PUM2: variants seen among roughly 807,000 people sequenced by gnomAD.
PUM2 encodes pumilio homolog 2.
In PUM2, 57 loss-of-function variants were observed where a neutral mutation model predicts 124.5. The observed-to-expected ratio is 0.46, with a 90% CI of 0.37 to 0.57. The LOEUF (loss-of-function observed/expected upper bound fraction) is 0.57, where lower values mean the gene tolerates loss of function less well. Among genes scored for constraint, PUM2 ranks in the 20% least tolerant of loss-of-function variants. The pLI is 0.00. For synonymous variants in PUM2, 460 were observed against 446.1 expected (o/e 1.03, Z -0.39); for missense variants, 1,065 against 1,290.6 (o/e 0.83, Z 2.68).
Position 20,318,519 on chromosome 2 carries a change from C to A in PUM2, c.160+18G>T. On this transcript the variant is annotated intron_variant, in intron 3 of 20. Transcript: ENST00000361078. Reference sequence around the variant, plus strand: ...GCTAAATATATTCACAATTCTCACACATATACCAGTAACTTACGAGAAGCT... The same window carrying A: ...GCTAAATATATTCACAATTCTCACAAATATACCAGTAACTTACGAGAAGCT... 1 of 1,567,480 alleles carries A rather than the reference C, an allele frequency of 6.4e-7. No homozygotes were observed. Among genetic ancestry groups the A allele is most frequent in the Non-Finnish European group, 8.8e-7 (1 of 1,139,532 alleles).
chr2:20,334,573 G>GA lies in PUM2; in HGVS notation c.-18-7196dup, dbSNP rs1298070474. 4.6e-5 allele frequency among the ~76,000 whole-genome samples: 7 copies of GA among 152,088 alleles called. No individual in the cohort carries two copies. In the East Asian group the frequency reaches 1.2e-3, roughly 25 times the overall value. On this transcript the variant is annotated intron_variant, in intron 1 of 20. Transcript: ENST00000361078. ...TGTAAACGTTCAACATTTAATGAAT[G>GA]AAAAAAACCATATTTTATGAAATGT...
intron 9 of PUM2, among the ~76,000 whole-genome samples, chr2:20,293,115 T>A (rs1674625951): frequency 6.6e-6 from 1 of 152,208 alleles, no homozygotes; most frequent in Admixed American, 6.5e-5. Flanking sequence ...CAGGATTATA[T>A]ATCAAAACAA....
chr2:20,312,331 A>G lies in PUM2; in HGVS notation c.253T>C (p.Ser85Pro). ...CTCACACCAAGGCCTCCACTTTCTG[A>G]TCGCGGAGACAGTATTGCATTTACT... ...SEVNAILSPR[S>P]ESGGLGVSMV... Residue 85 changes from serine (S) to proline (P), a missense_variant, in exon 4 of 21, where the codon TCA (serine) becomes CCA (proline). Ser to Pro is a moderately conservative substitution (Grantham distance 74). Transcript: ENST00000361078. 1 of 1,613,562 alleles carries G rather than the reference A, an allele frequency of 6.2e-7. No homozygotes were observed. The highest frequency in any genetic ancestry group is 8.5e-7 in the Non-Finnish European group (1 of 1,179,542).
chr2:20,300,953 C>T (rs79167099), intron 7 of PUM2, among the ~76,000 whole-genome samples: 2 of 152,164 alleles, frequency 1.3e-5, no homozygotes, highest in Non-Finnish European at 2.9e-5. Flanking sequence ...TGATTATTCC[C>T]GTAAATTGTG....
At chr2:20,350,316 G>A in intron 1 of PUM2, 1 of 313,070 alleles carries the variant, frequency 3.2e-6, no homozygotes, top group Non-Finnish European at 4.6e-6. Flanking sequence ...GGAGAACCGG[G>A]TCGGCGCCCC....
intron 7 of PUM2, among the ~76,000 whole-genome samples, chr2:20,301,258 C>T (rs1676902367): frequency 6.6e-6 from 1 of 152,192 alleles, no homozygotes. Flanking sequence ...TCTCGGTTAT[C>T]TTTTGGTTTG....
At chr2:20,309,759 C>T (rs960498764) in intron 5 of PUM2, among the ~76,000 whole-genome samples, 1 of 152,144 alleles carries the variant, frequency 6.6e-6, no homozygotes, top group African/African-American at 2.4e-5. Flanking sequence ...CTCTTCCCAA[C>T]TTCAGGTGGT....
In PUM2 at chr2:20,263,370, A is replaced by C; in HGVS notation, c.2048T>G (p.Phe683Cys). The change falls in exon 14 of 21, where the codon TTT becomes TGT. Residue 683 changes from phenylalanine (F) to cysteine (C), a missense_variant. This residue lies in a region of PUM2 where 968 missense variants were observed against 1,159.8 expected (regional missense o/e 0.83). Coordinates refer to ENST00000361078, the MANE Select transcript of PUM2 (RefSeq NM_015317.5). ...YRSASSTSSL[F>C]SSSSQLFPPS... is the part of the protein sequence containing the mutation. Reference sequence around the variant, plus strand: ...AGGAAAGAGCTGGCTGCTGGAGCTAAATAGACTGGAAGTGCTTGAAGCACT... The same window carrying C: ...AGGAAAGAGCTGGCTGCTGGAGCTACATAGACTGGAAGTGCTTGAAGCACT... 6.2e-7 allele frequency: 1 copy of C among 1,614,202 alleles called. No individual in the cohort carries two copies. The highest frequency in any genetic ancestry group is 1.1e-5 in the South Asian group (1 of 91,090).
chr2:20,263,594 T>A, intron 13 of PUM2, 134 bp from the exon 14 acceptor site: 2 of 1,098,678 alleles, frequency 1.8e-6, no homozygotes, highest in Non-Finnish European at 2.5e-6. Flanking sequence ...GACAGAAAAT[T>A]AAAATTGGGA....
rs148381814 is a variant in PUM2, at chr2:20,261,128, C to T, written c.2226-662G>A. On this transcript the variant is annotated intron_variant, in intron 14 of 20. Coordinates refer to ENST00000361078, the MANE Select transcript of PUM2 (RefSeq NM_015317.5). ...TAGTATGGCCGGGTGCAGTGGCTCA[C>T]GCATGTAATCTCAGCACTCTGGGAG... Among the ~76,000 whole-genome samples the T allele has an allele frequency of 8.5e-5, 13 of 152,130 alleles. No individual in the cohort carries two copies. In the East Asian group the frequency reaches 2.3e-3, roughly 27 times the overall value.
chr2:20,308,403 A>T lies in PUM2; in HGVS notation c.700T>A (p.Ser234Thr). Reference sequence around the variant, plus strand: ...TTACCAGGATAGTCAAACTGTAAGGATTCCAGACCAACTTGTTCCATGGCA... The same window carrying T: ...TTACCAGGATAGTCAAACTGTAAGGTTTCCAGACCAACTTGTTCCATGGCA... ...LDAMEQVGLE[S>T]LQFDYPGNQV... The change falls in exon 6 of 21, where the codon TCC becomes ACC. Residue 234 changes from serine to threonine, a missense_variant. By Grantham distance (58) the Ser-to-Thr change is moderately conservative. Transcript: ENST00000361078. 5.6e-6 allele frequency: 9 copies of T among 1,614,126 alleles called. No individual in the cohort carries two copies. The highest frequency in any genetic ancestry group is 1.3e-5 in the African/African-American group (1 of 75,030).
At chr2:20,267,420 G>A (rs375994551) in intron 13 of PUM2, among the ~76,000 whole-genome samples, 6 of 152,194 alleles carry the variant, frequency 3.9e-5, no homozygotes, top group African/African-American at 7.2e-5. Flanking sequence ...GTGATAAAGC[G>A]GTAACATCTG....
rs190054655 is a variant in PUM2 at position 20,344,075 on chromosome 2, T to C, written c.-19+6522A>G. ...TTTTACTTTATTTTATTTTACTTTA[T>C]TTTATTTTTTGAGACAGGGCCTCAC... On this transcript the variant is annotated intron_variant, in intron 1 of 20. Coordinates refer to ENST00000361078, the MANE Select transcript of PUM2 (RefSeq NM_015317.5). Among the ~76,000 whole-genome samples, 1,163 of 122,152 alleles carry C rather than the reference T, an allele frequency of 9.5e-3. 9 individuals carry two copies. Among genetic ancestry groups the C allele is most frequent in the African/African-American group, 0.033 (1,113 of 33,732 alleles). The allele number at this position is 122,152 out of a possible 152,430, so 80.1% of individuals were successfully genotyped here.
At position 20,251,490 on chromosome 2, in the gene PUM2, T is replaced by A; in HGVS notation, c.*95A>T. 2.9e-6 allele frequency: 4 copies of A among 1,391,548 alleles called. No individual in the cohort carries two copies. Among genetic ancestry groups the A allele is most frequent in the Non-Finnish European group, 1.9e-6 (2 of 1,032,394 alleles). 86.2% of individuals were successfully genotyped at this position (1,391,548 alleles called of 1,614,324 possible). On this transcript the variant is annotated 3_prime_UTR_variant, in exon 21 of 21. Transcript: ENST00000361078. ...TAAATAGTTTTGCTTTAAAAAAAAATTGAAGATTCATAGTTGAGTTGTGTT... is the reference window on the plus strand; with the variant it reads ...TAAATAGTTTTGCTTTAAAAAAAAAATGAAGATTCATAGTTGAGTTGTGTT...
chr2:20,257,080 C>CAAAAAAAAAAAAA (rs1664999843), intron 16 of PUM2, among the ~76,000 whole-genome samples: 1 of 133,786 alleles, frequency 7.5e-6, no homozygotes, highest in African/African-American at 2.8e-5. Flanking sequence ...AAAAGAAATC[C>CAAAAAAAAAAAAA]AAATAATATT....
rs1485216176 is a variant in PUM2 at position 20,295,300 on chromosome 2, CTGACTT to C, written c.1010-788_1010-783del. 2.6e-5 allele frequency among the ~76,000 whole-genome samples: 4 copies of C among 152,208 alleles called. No individual in the cohort carries two copies. In the South Asian group the frequency reaches 6.2e-4, roughly 24 times the overall value. Reference sequence around the variant, plus strand: ...AGTAATGAATAAAATGTCATGATTCCTGACTTACATAACAAACATGTCCTAAAATGT... The same window carrying C: ...AGTAATGAATAAAATGTCATGATTCCACATAACAAACATGTCCTAAAATGT... On this transcript the variant is annotated intron_variant, in intron 8 of 20. Transcript: ENST00000361078.
At position 20,257,043 on chromosome 2, in the gene PUM2, CAAAAAAAA is replaced by C. The variant is rs58072146; in HGVS notation, c.2485-881_2485-874del. On this transcript the variant is annotated intron_variant, in intron 16 of 20. Transcript: ENST00000361078. Reference sequence around the variant, plus strand: ...TGGGCGACACAGCAAGATTCCGTCTCAAAAAAAAAAAAAAAAAAAAAAAAAAAAAAGAA... The same window carrying C: ...TGGGCGACACAGCAAGATTCCGTCTCAAAAAAAAAAAAAAAAAAAAAAGAA... 1.2e-3 allele frequency among the ~76,000 whole-genome samples: 89 copies of C among 71,800 alleles called. 1 individual carries two copies. Among genetic ancestry groups the C allele is most frequent in the East Asian group, 3.5e-3 (7 of 2,026 alleles). The allele number at this position is 71,800 out of a possible 152,430, so 47.1% of individuals were successfully genotyped here. A position where few individuals can be genotyped will look rare whatever the true frequency, so the allele number is the denominator to read the frequency against.
intron 9 of PUM2, among the ~76,000 whole-genome samples, chr2:20,292,394 G>C (rs574824712): frequency 1.3e-5 from 2 of 151,136 alleles, no homozygotes; most frequent in Non-Finnish European, 2.9e-5. Flanking sequence ...ACGAAGTCTC[G>C]CTCTATCACA....
intron 2 of PUM2, chr2:20,326,173 A>C (rs1416445861): frequency 8.0e-6 from 9 of 1,124,908 alleles, no homozygotes; most frequent in Non-Finnish European, 9.2e-6. Flanking sequence ...CAATTTCTTC[A>C]ATTTTTCTTA....
Sources: allele counts gnomAD v4.1 joint callset (sites outside exome capture counted in the v4.1 genomes callset), GRCh38; gene constraint gnomAD v4.1.1; regional missense constraint gnomAD v4.1.1; transcripts MANE v1.5; gene names NCBI Gene and HGNC (gene_info 2026-07-23, HGNC 2026-07-21).